NGLY1: variants seen among roughly 807,000 people sequenced by gnomAD.
NGLY1 encodes N-glycanase 1, also known as peptide-N(4)-(N-acetyl-beta-glucosaminyl)asparagine amidase.
In NGLY1, 68 loss-of-function variants were observed where a neutral mutation model predicts 84.6. That is an observed-to-expected ratio of 0.80 (90% CI 0.66 to 0.98). NGLY1 has a LOEUF of 0.98. Among genes scored for constraint, NGLY1 ranks in the 50% least tolerant of loss-of-function variants. The probability of loss-of-function intolerance (pLI) is 0.00; values close to 1 mark genes in which losing one functional copy is unlikely to be tolerated. For missense variants in NGLY1, 779 were observed against 770.2 expected (o/e 1.01, Z -0.14); for synonymous variants, 280 against 275.2 (o/e 1.02, Z -0.17).
intron 1 of NGLY1, among the ~76,000 whole-genome samples, chr3:25,788,534 T>A (rs566284451): frequency 2.0e-5 from 3 of 152,336 alleles, no homozygotes; most frequent in Admixed American, 2.0e-4. Flanking sequence ...ACAAAAATGA[T>A]GGTCTTTTTA....
At chr3:25,759,917 A>AACACAC (rs71624610) in intron 3 of NGLY1, among the ~76,000 whole-genome samples, 5 of 41,828 alleles carry the variant, frequency 1.2e-4, no homozygotes, top group South Asian at 1.3e-3. Flanking sequence ...TAGTTAAAAA[A>AACACAC]ACACACACAC....
At chr3:25,776,121 G>A (rs17017005) in intron 2 of NGLY1, among the ~76,000 whole-genome samples, 109,307 of 152,052 alleles carry the variant, frequency 0.72, 41,946 homozygotes, top group East Asian at 0.94. Context: ...TCTTTTCTGA[G>A]ACTGTGACTC....
chr3:25,763,272 G>T (rs1351660176), intron 3 of NGLY1, among the ~76,000 whole-genome samples: 1 of 152,212 alleles, frequency 6.6e-6, no homozygotes, highest in Admixed American at 6.5e-5. Context: ...CTTTTTTGCA[G>T]ATTGGTTAAC....
chr3:25,751,214 T>A lies in NGLY1; in HGVS notation c.542A>T (p.His181Leu), dbSNP rs369784943. 54 of 1,611,668 alleles carry A rather than the reference T, an allele frequency of 3.4e-5. No individual in the cohort carries two copies. Among genetic ancestry groups the A allele is most frequent in the Admixed American group, 5.0e-5 (3 of 59,742 alleles). ...ILEVLQSNIQ[H>L]VLVYENPALQ... ...AGCAGGATTTTCATAGACCAGCACA[T>A]GCTGAATGTTGGACTGAAGAACTTC... Residue 181 changes from histidine to leucine, a missense_variant, in exon 4 of 12, where the codon CAT becomes CTT. His to Leu is a moderately conservative substitution (Grantham distance 99). Transcript: ENST00000280700.
chr3:25,770,090 T>C (rs1299366248), intron 2 of NGLY1, among the ~76,000 whole-genome samples: 1 of 152,126 alleles, frequency 6.6e-6, no homozygotes, highest in Non-Finnish European at 1.5e-5. Context: ...TCCAATTCCA[T>C]CCAGGTTGCT....
chr3:25,762,012 T>C (rs1405935606), intron 3 of NGLY1, among the ~76,000 whole-genome samples: 2 of 152,210 alleles, frequency 1.3e-5, no homozygotes, highest in African/African-American at 4.8e-5. Context: ...ATTAACTTTC[T>C]AACAATCACC....
intron 1 of NGLY1, chr3:25,782,762 T>G (rs1438884238): frequency 1.9e-5 from 3 of 154,508 alleles, no homozygotes; most frequent in Non-Finnish European, 4.3e-5. Context: ...TATGCTTTAG[T>G]ACTCGGATAG....
intron 9 of NGLY1, 75 bp downstream of exon 9, chr3:25,732,244 G>A: frequency 7.5e-7 from 1 of 1,335,162 alleles, no homozygotes; most frequent in Admixed American, 2.2e-5. Flanking sequence ...AATGCAGTTG[G>A]AGGATAGTAT....
intron 4 of NGLY1, among the ~76,000 whole-genome samples, chr3:25,747,727 A>T (rs906050441): frequency 6.6e-6 from 1 of 152,116 alleles, no homozygotes; most frequent in Admixed American, 6.5e-5. Context: ...GTGAATTATC[A>T]CCCCAAAGTC....
chr3:25,752,253 C>T (rs1706794134), intron 3 of NGLY1, among the ~76,000 whole-genome samples: 1 of 152,100 alleles, frequency 6.6e-6, no homozygotes, highest in Admixed American at 6.6e-5. Flanking sequence ...GACAGAGTCT[C>T]ACTGTGTTGC....
intron 10 of NGLY1, among the ~76,000 whole-genome samples, chr3:25,725,344 T>G (rs1174131357): frequency 1.3e-5 from 2 of 152,228 alleles, no homozygotes; most frequent in Admixed American, 1.3e-4. Context: ...TCCATGTGCC[T>G]TCCTATACCT....
chr3:25,739,681 A>G lies in NGLY1; in HGVS notation c.777T>C (p.Ser259=), dbSNP rs867899358. The change falls in exon 5 of 12, where the codon TCT becomes TCC. Residue 259 remains serine, a synonymous_variant. Transcript: ENST00000280700. ...LCSKCGGQTR[S]RDRSLLPSDD... is the part of the protein sequence containing the mutation. ...CACTGGGCAGTAATGATCTATCTCTAGACCTAGTCTGTCCACCACATTTGC... is the reference window on the plus strand; with the variant it reads ...CACTGGGCAGTAATGATCTATCTCTGGACCTAGTCTGTCCACCACATTTGC... 6.2e-7 allele frequency: 1 copy of G among 1,614,114 alleles called. No individual in the cohort carries two copies. Among genetic ancestry groups the G allele is most frequent in the Middle Eastern group, 1.6e-4 (1 of 6,062 alleles).
intron 6 of NGLY1, chr3:25,736,510 T>G: frequency 1.3e-6 from 1 of 770,544 alleles, no homozygotes; most frequent in Non-Finnish European, 2.1e-6. Flanking sequence ...CTCTGGACTT[T>G]AAGGCCCAGA....
chr3:25,747,521 A>G lies in NGLY1; in HGVS notation c.658+3577T>C, dbSNP rs1213470537. 5.9e-5 allele frequency among the ~76,000 whole-genome samples: 9 copies of G among 152,346 alleles called. No individual in the cohort carries two copies. In the South Asian group the frequency reaches 1.9e-3, roughly 32 times the overall value. ...CAAAATACAAAGGGTAGCAAAATAT[A>G]TAAATGACATTTGTGAAAATTGGTC... On this transcript the variant is annotated intron_variant, in intron 4 of 11. Transcript: ENST00000280700.
At chr3:25,742,302 T>C (rs553874883) in intron 4 of NGLY1, among the ~76,000 whole-genome samples, 1 of 152,152 alleles carries the variant, frequency 6.6e-6, no homozygotes, top group South Asian at 2.1e-4. Flanking sequence ...ACAGAGAAAA[T>C]GGAAACAACC....
Position 25,783,048 on chromosome 3 carries a change from C to T in NGLY1, c.131+212G>A, listed in dbSNP as rs998436716. On this transcript the variant is annotated intron_variant, in intron 1 of 11. Transcript: ENST00000280700. The surrounding 1 kb of genome is among the most constrained non-coding windows in gnomAD (Gnocchi z 4.5). ...GTGCCAAGTCACAACTGCAAAGAAA[C>T]TTCCTTTTCTCGAGCGGGGGTGGGA... 9.6e-6 allele frequency: 5 copies of T among 522,326 alleles called. No individual in the cohort carries two copies. The highest frequency in any genetic ancestry group is 7.9e-5 in the Admixed American group (2 of 25,308). 32.4% of individuals were successfully genotyped at this position (522,326 alleles called of 1,614,324 possible).
intron 4 of NGLY1, among the ~76,000 whole-genome samples, chr3:25,745,746 T>C (rs1225622073): frequency 6.6e-6 from 1 of 152,242 alleles, no homozygotes; most frequent in African/African-American, 2.4e-5. Context: ...TGTACTCTTT[T>C]GATTTTAATT....
chr3:25,749,829 G>C, intron 4 of NGLY1: 3 of 1,138,842 alleles, frequency 2.6e-6, no homozygotes, highest in Non-Finnish European at 3.9e-6. Flanking sequence ...ATCATGGAAA[G>C]AGCCACCCAG....
intron 8 of NGLY1, 108 bp from the exon 9 acceptor site, chr3:25,732,591 A>G (rs1448726668): frequency 1.5e-6 from 1 of 686,784 alleles, no homozygotes; most frequent in African/African-American, 1.8e-5. Flanking sequence ...GTCTTGAAAC[A>G]AGTACTGAAT....
Sources: gnomAD v4.1 joint callset for allele counts (sites outside exome capture counted in the v4.1 genomes callset) on GRCh38, gnomAD v4.1.1 for gene constraint, Gnocchi (gnomAD v3.1) non-coding constraint, MANE v1.5 for transcripts, NCBI Gene and HGNC (gene_info 2026-07-23, HGNC 2026-07-21) for gene names.